Variants in MSRB3 observed in about 807,000 individuals in gnomAD.
MSRB3 encodes the protein methionine-R-sulfoxide reductase B3.
Under a neutral mutation model 21.0 loss-of-function variants are expected in MSRB3, and 13 were observed. The ratio of observed to expected loss-of-function variants is 0.62; its 90% CI spans 0.40 to 0.98. The LOEUF (loss-of-function observed/expected upper bound fraction) is 0.98. Ranked by LOEUF, MSRB3 falls within the 50% of genes least tolerant of loss-of-function variation. The pLI is 0.00. For missense variants in MSRB3, 199 were observed against 230.3 expected, an observed-to-expected ratio of 0.86 and a Z score of 0.88; for synonymous variants, 87 against 88.6, an observed-to-expected ratio of 0.98 and a Z score of 0.10.
At chr12:65,445,914 G>C (rs1048520118) in intron 5 of MSRB3, among the ~76,000 whole-genome samples, 4 of 151,948 alleles carry the variant, frequency 2.6e-5, no homozygotes, top group African/African-American at 9.7e-5. Flanking sequence ...CAAAGTGCTG[G>C]GATTAGAGGT....
chr12:65,337,768 A>G lies in MSRB3; in HGVS notation c.263+9165A>G, dbSNP rs185407159. 5.3e-5 allele frequency among the ~76,000 whole-genome samples: 8 copies of G among 152,356 alleles called. No individual in the cohort carries two copies. In the East Asian group the frequency reaches 1.5e-3, roughly 29 times the overall value. On this transcript the variant is annotated intron_variant, in intron 4 of 6. Coordinates refer to ENST00000308259, the MANE Select transcript of MSRB3 (RefSeq NM_001031679.3). ...AACATTATTGCATATTTTATAATAT[A>G]TTATTTGACACAGTGATCCATCTCA...
At chr12:65,365,892 G>A (rs1877982134) in intron 4 of MSRB3, among the ~76,000 whole-genome samples, 1 of 152,172 alleles carries the variant, frequency 6.6e-6, no homozygotes. Flanking sequence ...TGGGGGAGAG[G>A]AGGGAAAGGC....
chr12:65,427,161 C>T (rs536798109), intron 5 of MSRB3, among the ~76,000 whole-genome samples: 1 of 152,176 alleles, frequency 6.6e-6, no homozygotes, highest in East Asian at 1.9e-4. Context: ...ACAGTCACCT[C>T]TTCTAGATTT....
intron 5 of MSRB3, among the ~76,000 whole-genome samples, chr12:65,396,691 CAAAAAAAAAAAAAAA>C (rs747120558): frequency 1.3e-4 from 3 of 23,180 alleles, no homozygotes; most frequent in African/African-American, 3.5e-4. Context: ...AACTCCATCT[CAAAAAAAAAAAAAAA>C]AGAAAGAAAG....
chr12:65,338,906 C>G (rs1320284922), intron 4 of MSRB3, among the ~76,000 whole-genome samples: 1 of 152,006 alleles, frequency 6.6e-6, no homozygotes, highest in Non-Finnish European at 1.5e-5. Flanking sequence ...GAAACCCTGT[C>G]TCTACTAAAA....
intron 5 of MSRB3, among the ~76,000 whole-genome samples, chr12:65,451,893 G>A (rs549582324): frequency 6.6e-6 from 1 of 152,150 alleles, no homozygotes; most frequent in Non-Finnish European, 1.5e-5. Context: ...ACTGGACACT[G>A]TGTTAGGCAA....
intron 4 of MSRB3, among the ~76,000 whole-genome samples, chr12:65,345,082 G>C (rs1356057068): frequency 1.3e-5 from 2 of 152,004 alleles, no homozygotes; most frequent in Non-Finnish European, 2.9e-5. Flanking sequence ...TTTATCAATT[G>C]TCTGAATGCG....
rs1871833029 is a variant in MSRB3, at chr12:65,278,990, C to G, written c.-52+125C>G. On this transcript the variant is annotated intron_variant, in intron 1 of 6. Coordinates refer to ENST00000308259, the MANE Select transcript of MSRB3 (RefSeq NM_001031679.3). ...CCTGCTGCGCCCCCTCGGCCACCTG[C>G]GGGGACAGCCCCTGCCTCAGCCGAG... The G allele has an allele frequency of 2.7e-6, 4 of 1,489,184 alleles. No individual in the cohort carries two copies. The African/African-American group carries it at 5.6e-5, about 21-fold the overall frequency. The allele number at this position is 1,489,184 out of a possible 1,614,324, so 92.2% of individuals were successfully genotyped here.
intron 4 of MSRB3, among the ~76,000 whole-genome samples, chr12:65,353,289 T>C (rs989550049): frequency 6.6e-6 from 1 of 152,168 alleles, no homozygotes; most frequent in Non-Finnish European, 1.5e-5. Context: ...TTGTTAACTT[T>C]CTATCTCGTT....
intron 5 of MSRB3, among the ~76,000 whole-genome samples, chr12:65,378,384 T>G (rs1878752134): frequency 6.6e-6 from 1 of 152,224 alleles, no homozygotes; most frequent in Non-Finnish European, 1.5e-5. Flanking sequence ...AATAATCATT[T>G]ATTCATGCTT....
intron 5 of MSRB3, among the ~76,000 whole-genome samples, chr12:65,437,602 C>G (rs917378823): frequency 6.6e-6 from 1 of 151,612 alleles, no homozygotes; most frequent in Non-Finnish European, 1.5e-5. Flanking sequence ...TCTGATAAAA[C>G]AGAGTGCCTA....
intron 5 of MSRB3, among the ~76,000 whole-genome samples, chr12:65,391,784 G>A (rs1879496315): frequency 6.6e-6 from 1 of 152,162 alleles, no homozygotes; most frequent in African/African-American, 2.4e-5. Flanking sequence ...CAGAGTGCTG[G>A]AAGAGTTATC....
chr12:65,358,887 G>A (rs1877544054), intron 4 of MSRB3, among the ~76,000 whole-genome samples: 1 of 151,862 alleles, frequency 6.6e-6, no homozygotes, highest in South Asian at 2.1e-4. Context: ...CTGCTTCTAT[G>A]ATTTTATCTC....
At chr12:65,400,526 GTCTA>G (rs1194670869) in intron 5 of MSRB3, among the ~76,000 whole-genome samples, 3 of 151,942 alleles carry the variant, frequency 2.0e-5, no homozygotes, top group Non-Finnish European at 4.4e-5. Flanking sequence ...CAGGCTAGTG[GTCTA>G]TCTATTTTGT....
chr12:65,360,368 G>T (rs1877631821), intron 4 of MSRB3, among the ~76,000 whole-genome samples: 1 of 151,970 alleles, frequency 6.6e-6, no homozygotes, highest in Non-Finnish European at 1.5e-5. Flanking sequence ...ATTCTCTGTG[G>T]AGATATAAAT....
chr12:65,297,700 G>A (rs4277161), intron 1 of MSRB3, among the ~76,000 whole-genome samples: 6,306 of 152,174 alleles, frequency 0.041, 430 homozygotes, highest in African/African-American at 0.15. Flanking sequence ...TCTTTCCCCT[G>A]TCCTGTAGGT....
intron 5 of MSRB3, among the ~76,000 whole-genome samples, chr12:65,438,359 TG>T (rs985248463): frequency 5.9e-4 from 89 of 151,950 alleles, no homozygotes; most frequent in African/African-American, 2.1e-3. Context: ...TTAAGAGACT[TG>T]GAAGATAGAT....
chr12:65,445,316 C>A (rs114134886), intron 5 of MSRB3, among the ~76,000 whole-genome samples: 2 of 151,506 alleles, frequency 1.3e-5, no homozygotes, highest in South Asian at 4.2e-4. Context: ...CCTCTTATCC[C>A]GAATCCCTCC....
intron 5 of MSRB3, among the ~76,000 whole-genome samples, chr12:65,383,528 T>C (rs1481151631): frequency 6.6e-6 from 1 of 152,166 alleles, no homozygotes; most frequent in Non-Finnish European, 1.5e-5. Flanking sequence ...TAAGTGTTGA[T>C]TCAACAGCTA....
Sources: gnomAD v4.1 joint callset for allele counts (sites outside exome capture counted in the v4.1 genomes callset) on GRCh38, gnomAD v4.1.1 for gene constraint, MANE v1.5 for transcripts, NCBI Gene and HGNC (gene_info 2026-07-23, HGNC 2026-07-21) for gene names.